Variants in DDAH1 observed in about 807,000 individuals in gnomAD.
The protein encoded by DDAH1 is N(G),N(G)-dimethylarginine dimethylaminohydrolase 1.
Under a neutral mutation model 28.8 loss-of-function variants are expected in DDAH1, and 19 were observed. That is an observed-to-expected ratio of 0.66 (90% CI 0.46 to 0.97). The LOEUF (loss-of-function observed/expected upper bound fraction) is 0.97, where lower values mean the gene tolerates loss of function less well. DDAH1 is among the 50% of genes least tolerant of loss of function. The pLI is 0.00. For synonymous variants in DDAH1, 153 were observed against 154.4 expected (o/e 0.99, Z 0.07); for missense variants, 326 against 375.9 (o/e 0.87, Z 1.10).
chr1:85,404,435 T>A, intron 1 of DDAH1: 1 of 1,532,232 alleles, frequency 6.5e-7, no homozygotes, highest in Non-Finnish European at 8.7e-7. Context: ...AAGCAGTTCC[T>A]CCGCAATCTT....
chr1:85,370,390 T>C (rs79695640), intron 1 of DDAH1, among the ~76,000 whole-genome samples: 23,702 of 152,232 alleles, frequency 0.16, 2,261 homozygotes, highest in Admixed American at 0.22. Context: ...TTTTACCAGA[T>C]AAAGCTGGGG....
chr1:85,326,400 G>A (rs1480936194), intron 4 of DDAH1, among the ~76,000 whole-genome samples: 3 of 152,156 alleles, frequency 2.0e-5, no homozygotes, highest in African/African-American at 4.8e-5. Flanking sequence ...AGAACTAGCA[G>A]GGCACCATGC....
rs367629485 is a variant in DDAH1, at chr1:85,361,497, T to G, written c.304-2650A>C. Among the ~76,000 whole-genome samples, 155 of 152,314 alleles carry G rather than the reference T, an allele frequency of 1.0e-3. 5 individuals carry two copies. In the South Asian group the frequency reaches 0.03, roughly 30 times the overall value. On this transcript the variant is annotated intron_variant, in intron 1 of 5. Transcript: ENST00000284031. ...GACAAACAGTATTAATTCCAACGGCTGAGCTGAATGGGTCATTTTAGCCCA... is the reference window on the plus strand; with the variant it reads ...GACAAACAGTATTAATTCCAACGGCGGAGCTGAATGGGTCATTTTAGCCCA...
chr1:85,429,203 C>G (rs1570531109), intron 1 of DDAH1, among the ~76,000 whole-genome samples: 1 of 131,902 alleles, frequency 7.6e-6, no homozygotes, highest in Non-Finnish European at 1.6e-5. Flanking sequence ...GTGTGATGTT[C>G]CCCTCCCTGT....
chr1:85,402,425 T>G (rs140989812), intron 1 of DDAH1, among the ~76,000 whole-genome samples: 1 of 152,318 alleles, frequency 6.6e-6, no homozygotes, highest in African/African-American at 2.4e-5. Context: ...TGTCAAACTA[T>G]TCTTATAGAC....
intron 2 of DDAH1, among the ~76,000 whole-genome samples, chr1:85,472,911 C>T (rs555729292): frequency 1.3e-5 from 2 of 152,232 alleles, no homozygotes; most frequent in Admixed American, 6.5e-5. Context: ...CTGTTGTTTT[C>T]GTCTTTATGT....
chr1:85,418,185 C>T (rs1409503663), intron 1 of DDAH1, among the ~76,000 whole-genome samples: 1 of 152,208 alleles, frequency 6.6e-6, no homozygotes, highest in Non-Finnish European at 1.5e-5. Flanking sequence ...CAAAAACATA[C>T]ATTTGATTCA....
chr1:85,524,254 A>T (rs1297834083), intron 1 of DDAH1, among the ~76,000 whole-genome samples: 1 of 147,902 alleles, frequency 6.8e-6, no homozygotes, highest in African/African-American at 2.5e-5. Flanking sequence ...CACAGGCTCC[A>T]TGCTAAGTGC....
chr1:85,446,571 C>T (rs1654435810), intron 1 of DDAH1, among the ~76,000 whole-genome samples: 1 of 152,142 alleles, frequency 6.6e-6, no homozygotes, highest in African/African-American at 2.4e-5. Flanking sequence ...CATTCCAAGT[C>T]CTATCCTTTG....
chr1:85,336,259 A>G (rs1238523260), intron 4 of DDAH1, among the ~76,000 whole-genome samples: 2 of 152,180 alleles, frequency 1.3e-5, no homozygotes, highest in Non-Finnish European at 2.9e-5. Flanking sequence ...CCAAACAAGT[A>G]TCAACAAATG....
In DDAH1 at chr1:85,368,700, A is replaced by T. The variant is rs183564117; in HGVS notation, c.304-9853T>A. Among the ~76,000 whole-genome samples, 54 of 152,322 alleles carry T rather than the reference A, an allele frequency of 3.5e-4. 1 individual carries two copies. In the East Asian group the frequency reaches 0.01, roughly 28 times the overall value. On this transcript the variant is annotated intron_variant, in intron 1 of 5. Coordinates refer to ENST00000284031, the MANE Select transcript of DDAH1 (RefSeq NM_012137.4). Reference sequence around the variant, plus strand: ...TAAAATAAGTGTCAGCTGCCAAAAGACCTGCAAAATTTAGTAGGCTAAAAA... The same window carrying T: ...TAAAATAAGTGTCAGCTGCCAAAAGTCCTGCAAAATTTAGTAGGCTAAAAA...
At chr1:85,526,630 G>GAGA (rs1295460429) in intron 1 of DDAH1, among the ~76,000 whole-genome samples, 2 of 149,952 alleles carry the variant, frequency 1.3e-5, no homozygotes, top group African/African-American at 2.5e-5. Context: ...TGGATACCAA[G>GAGA]AGAAGGGGCT....
At chr1:85,514,517 C>G (rs1215214772) in intron 1 of DDAH1, among the ~76,000 whole-genome samples, 1 of 92,248 alleles carries the variant, frequency 1.1e-5, no homozygotes, top group Non-Finnish European at 2.1e-5. Context: ...TACCCTAGAA[C>G]TTAAAGCATT....
At chr1:85,382,223 A>T (rs1651028606) in intron 1 of DDAH1, among the ~76,000 whole-genome samples, 1 of 152,234 alleles carries the variant, frequency 6.6e-6, no homozygotes, top group Admixed American at 6.5e-5. Context: ...ACGACTAATA[A>T]GAAAGTAAAA....
chr1:85,518,943 ATG>A (rs1657569661), intron 1 of DDAH1, among the ~76,000 whole-genome samples: 1 of 152,168 alleles, frequency 6.6e-6, no homozygotes, highest in Admixed American at 6.5e-5. Context: ...CATCATTGCT[ATG>A]TAGCCATTAG....
At chr1:85,376,280 G>A (rs187418392) in intron 1 of DDAH1, among the ~76,000 whole-genome samples, 14 of 152,202 alleles carry the variant, frequency 9.2e-5, no homozygotes, top group African/African-American at 1.7e-4. Flanking sequence ...AATAGATACC[G>A]TATGGAATTA....
At chr1:85,451,189 C>T (rs930308143) in intron 1 of DDAH1, among the ~76,000 whole-genome samples, 3 of 152,176 alleles carry the variant, frequency 2.0e-5, no homozygotes, top group African/African-American at 7.2e-5. Context: ...ATGCCAACTG[C>T]TGGACAGAAT....
At chr1:85,353,255 A>G (rs1443437718) in intron 2 of DDAH1, among the ~76,000 whole-genome samples, 1 of 152,200 alleles carries the variant, frequency 6.6e-6, no homozygotes, top group Non-Finnish European at 1.5e-5. Context: ...GGGAACTCTC[A>G]TCTTCCCTTT....
chr1:85,565,315 C>A (rs893988174), intron 1 of DDAH1, among the ~76,000 whole-genome samples: 6 of 152,122 alleles, frequency 3.9e-5, no homozygotes, highest in African/African-American at 1.4e-4. Flanking sequence ...TACTGCCAAC[C>A]TAGAAGTCCA....
Sources: allele counts gnomAD v4.1 joint callset (sites outside exome capture counted in the v4.1 genomes callset), GRCh38; gene constraint gnomAD v4.1.1; transcripts MANE v1.5; gene names NCBI Gene and HGNC (gene_info 2026-07-23, HGNC 2026-07-21).